Variants in ANKRD36 observed in about 807,000 individuals in gnomAD.
ANKRD36 encodes the protein ankyrin repeat domain 36, also known as ankyrin repeat domain-containing protein 36A.
In ANKRD36, 179 loss-of-function variants were observed where a neutral mutation model predicts 278.1. The observed-to-expected ratio is 0.64, with a 90% CI of 0.57 to 0.73. ANKRD36 has a LOEUF of 0.73. Among genes scored for constraint, ANKRD36 ranks in the 30% least tolerant of loss-of-function variants. The pLI is 0.00. For missense variants in ANKRD36, 1,159 were observed against 1,956.7 expected, an observed-to-expected ratio of 0.59 and a Z score of 7.69; for synonymous variants, 320 against 641.1, an observed-to-expected ratio of 0.50 and a Z score of 7.57.
intron 26 of ANKRD36, 135 bp from the exon 27 acceptor site, chr2:97,183,324 G>A: frequency 8.4e-7 from 1 of 1,194,124 alleles, no homozygotes; most frequent in Non-Finnish European, 1.1e-6. Flanking sequence ...CCGTCCCAAA[G>A]ACACAAACTG....
Position 97,200,530 on chromosome 2 carries a change from T to G in ANKRD36, c.2857+5T>G. 6.4e-7 allele frequency: 1 copy of G among 1,552,128 alleles called. No homozygotes were observed. The highest frequency in any genetic ancestry group is 8.7e-7 in the Non-Finnish European group (1 of 1,153,318). ...ATGGAGAAATATCTAGGAAAGGTAA[T>G]TTTGCGAAACACATTTAATGTCATG... On this transcript the variant is annotated splice_donor_5th_base_variant and intron_variant, in intron 46 of 75. Transcript: ENST00000420699.
At chr2:97,198,887 T>C (rs2060524529) in intron 44 of ANKRD36, among the ~76,000 whole-genome samples, 4 of 151,750 alleles carry the variant, frequency 2.6e-5, no homozygotes, top group South Asian at 2.1e-4. Context: ...AGAAGAAATA[T>C]GGAGAGCAGT....
At chr2:97,152,682 G>C in intron 14 of ANKRD36, 148 bp downstream of exon 14, 1 of 766,728 alleles carries the variant, frequency 1.3e-6, no homozygotes, top group Non-Finnish European at 1.9e-6. Context: ...GAAACTATTT[G>C]TGCTGTTATT....
chr2:97,184,611 A>G (rs1369408441), intron 28 of ANKRD36, among the ~76,000 whole-genome samples: 1 of 151,734 alleles, frequency 6.6e-6, no homozygotes, highest in Non-Finnish European at 1.5e-5. Context: ...TTTTGTATAA[A>G]TATGTGTAAT....
chr2:97,211,967 C>G (rs1195011504), intron 58 of ANKRD36, among the ~76,000 whole-genome samples: 2 of 151,860 alleles, frequency 1.3e-5, no homozygotes, highest in African/African-American at 4.8e-5. Context: ...GGAAAAAGAA[C>G]CATCTGACAG....
intron 6 of ANKRD36, among the ~76,000 whole-genome samples, chr2:97,139,575 G>A (rs973979365): frequency 1.2e-4 from 19 of 152,012 alleles, no homozygotes; most frequent in South Asian, 4.2e-4. Context: ...TGCTCTCTTC[G>A]TGTTGATACC....
Position 97,189,143 on chromosome 2 carries a change from A to T in ANKRD36, c.2172+28A>T, listed in dbSNP as rs1241582492. ...AATTAAACTCTCGTTTACATTGTGA[A>T]CTAGTAATTCTATAGTCTATGAAAC... On this transcript the variant is annotated intron_variant, in intron 33 of 75. Transcript: ENST00000420699. 4.0e-6 allele frequency: 3 copies of T among 756,716 alleles called. 1 individual carries two copies. Among genetic ancestry groups the T allele is most frequent in the Admixed American group, 2.2e-5 (1 of 44,968 alleles). The allele number at this position is 756,716 out of a possible 1,614,324, so 46.9% of individuals were successfully genotyped here.
rs772184494 is a variant in ANKRD36 at position 97,154,681 on chromosome 2, C to G, written c.1200C>G (p.Leu400=). ...ATATCTTTTTGCTCTGTAGGTGTCT[C>G]TACCTACTGGACCGTTTTGCACAGC... ...PPVEEAVDRC[L]YLLDRFAQPV... is the part of the protein sequence containing the mutation. The change falls in exon 15 of 76, where the codon CTC becomes CTG. Residue 400 remains leucine, a synonymous_variant. Coordinates refer to ENST00000420699, the MANE Select transcript of ANKRD36 (RefSeq NM_001354587.1). 1 of 1,484,924 alleles carries G rather than the reference C, an allele frequency of 6.7e-7. No homozygotes were observed. The highest frequency in any genetic ancestry group is 2.5e-5 in the East Asian group (1 of 40,452). The allele number at this position is 1,484,924 out of a possible 1,614,324, so 92.0% of individuals were successfully genotyped here.
intron 22 of ANKRD36, among the ~76,000 whole-genome samples, chr2:97,171,971 G>T (rs1285989550): frequency 1.3e-5 from 2 of 151,970 alleles, no homozygotes; most frequent in Admixed American, 6.6e-5. Flanking sequence ...TGTGCATGAG[G>T]TACCTCTGAG....
chr2:97,137,289 T>C (rs1416654926), intron 6 of ANKRD36, among the ~76,000 whole-genome samples: 1 of 151,742 alleles, frequency 6.6e-6, no homozygotes, highest in Admixed American at 6.6e-5. Context: ...TGGGATTACA[T>C]ACGTGTGCCA....
intron 69 of ANKRD36, among the ~76,000 whole-genome samples, chr2:97,242,617 T>C (rs1410104119): frequency 6.9e-6 from 1 of 145,198 alleles, no homozygotes; most frequent in African/African-American, 2.6e-5. Context: ...AATCTGCTGA[T>C]ATATGTTTCA....
intron 22 of ANKRD36, among the ~76,000 whole-genome samples, chr2:97,174,978 A>G (rs1252131723): frequency 2.1e-5 from 3 of 142,922 alleles, no homozygotes; most frequent in African/African-American, 7.5e-5. Context: ...GATGAAGCCC[A>G]CTTGATCATG....
At chr2:97,139,168 T>C (rs983504338) in intron 6 of ANKRD36, among the ~76,000 whole-genome samples, 1 of 152,042 alleles carries the variant, frequency 6.6e-6, no homozygotes, top group African/African-American at 2.4e-5. Context: ...AGAAAGTAAG[T>C]AGTCATGCTT....
At chr2:97,180,030 C>A (rs188383446) in intron 24 of ANKRD36, 97 bp downstream of exon 24, 2 of 1,552,114 alleles carry the variant, frequency 1.3e-6, no homozygotes, top group East Asian at 4.5e-5. Flanking sequence ...CTAAGCTGCA[C>A]GTTCTGATTC....
At chr2:97,226,156 G>T (rs2069516821) in intron 67 of ANKRD36, among the ~76,000 whole-genome samples, 2 of 151,542 alleles carry the variant, frequency 1.3e-5, no homozygotes, top group South Asian at 4.3e-4. Context: ...GGGATGGCAG[G>T]GTCAAATGGT....
rs529749517 is a variant in ANKRD36 at position 97,217,931 on chromosome 2, G to C, written c.3775+559G>C. Among the ~76,000 whole-genome samples the C allele has an allele frequency of 2.2e-3, 333 of 151,934 alleles. 1 individual carries two copies. The highest frequency in any genetic ancestry group is 7.4e-3 in the African/African-American group (308 of 41,488). On this transcript the variant is annotated intron_variant, in intron 64 of 75. Transcript: ENST00000420699. ...AGGAAGCCTGAGTGAACTCACTTCA[G>C]ATGCATTTTGAATATTTGCATACCG...
At chr2:97,159,193 A>G (rs1432532199) in intron 17 of ANKRD36, among the ~76,000 whole-genome samples, 1 of 152,050 alleles carries the variant, frequency 6.6e-6, no homozygotes, top group Admixed American at 6.6e-5. Flanking sequence ...AAAAATTCTC[A>G]GATTCTTCTG....
intron 66 of ANKRD36, among the ~76,000 whole-genome samples, chr2:97,222,998 G>A (rs1356411939): frequency 2.0e-5 from 3 of 151,724 alleles, no homozygotes; most frequent in Non-Finnish European, 4.4e-5. Flanking sequence ...ATCAGTGAAC[G>A]TTGCACTGAT....
chr2:97,182,885 T>G (rs1338456498), intron 26 of ANKRD36, among the ~76,000 whole-genome samples: 1 of 151,690 alleles, frequency 6.6e-6, no homozygotes, highest in Non-Finnish European at 1.5e-5. Context: ...GTTTGAGAAA[T>G]AAAGAATATT....
Sources: gnomAD v4.1 joint callset for allele counts (sites outside exome capture counted in the v4.1 genomes callset) on GRCh38, gnomAD v4.1.1 for gene constraint, MANE v1.5 for transcripts, NCBI Gene and HGNC (gene_info 2026-07-23, HGNC 2026-07-21) for gene names.